The following PPP2R2B variants were observed in gnomAD, a reference collection of about 807,000 sequenced individuals.
The protein encoded by PPP2R2B is serine/threonine-protein phosphatase 2A 55 kDa regulatory subunit B beta isoform.
Under a neutral mutation model 46.0 loss-of-function variants are expected in PPP2R2B, and 5 were observed. The ratio of observed to expected loss-of-function variants is 0.11; its 90% CI spans 0.06 to 0.23. PPP2R2B has a LOEUF of 0.23. Ranked by LOEUF, PPP2R2B falls within the 10% of genes least tolerant of loss-of-function variation. The pLI is 1.00. For synonymous variants in PPP2R2B, 215 were observed against 206.7 expected (o/e 1.04, Z -0.34); for missense variants, 367 against 575.0 (o/e 0.64, Z 3.70).
chr5:146,701,002 A>T (rs568143776), intron 3 of PPP2R2B, 43 bp downstream of exon 3: 2 of 1,524,700 alleles, frequency 1.3e-6, no homozygotes, highest in African/African-American at 2.7e-5. Flanking sequence ...GGCCTCCTTT[A>T]AAAAGTGAAG....
chr5:146,593,878 T>A (rs564274065), intron 8 of PPP2R2B, among the ~76,000 whole-genome samples: 1 of 152,288 alleles, frequency 6.6e-6, no homozygotes, highest in Non-Finnish European at 1.5e-5. Flanking sequence ...TTGCAATGGA[T>A]CCTAAGGGTG....
chr5:146,607,026 T>C (rs1248479700), intron 7 of PPP2R2B: 1 of 152,178 alleles, frequency 6.6e-6, no homozygotes, highest in East Asian at 1.9e-4. Flanking sequence ...TTCTCCATAA[T>C]GGGGACACAA....
rs555527977 is a variant in PPP2R2B, at chr5:146,635,270, GT to G, written c.790+2980del. Among the ~76,000 whole-genome samples, 618 of 142,590 alleles carry G rather than the reference GT, an allele frequency of 4.3e-3. 1 individual carries two copies. The highest frequency in any genetic ancestry group is 0.011 in the African/African-American group (447 of 39,116). 93.5% of individuals were successfully genotyped at this position (142,590 alleles called of 152,430 possible). A position where few individuals can be genotyped will look rare whatever the true frequency, so the allele number is the denominator to read the frequency against. On this transcript the variant is annotated intron_variant, in intron 7 of 9. Transcript: ENST00000394411. ...AAAGCATCTGCTCTAAATCACTCTA[GT>G]TTTTTTTTTTTTTAACTTTTAAGTT...
intron 1 of PPP2R2B, among the ~76,000 whole-genome samples, chr5:147,021,280 C>T (rs575169843): frequency 5.9e-5 from 9 of 152,022 alleles, no homozygotes; most frequent in Non-Finnish European, 1.3e-4. Context: ...AAGGGGCACC[C>T]AAGGAAAACA....
intron 5 of PPP2R2B, among the ~76,000 whole-genome samples, chr5:146,661,607 A>G (rs464897): frequency 0.75 from 114,696 of 152,052 alleles, 44,802 homozygotes; most frequent in Non-Finnish European, 0.86. Context: ...AATTCAGTGC[A>G]TCAAAAATGG....
chr5:147,078,097 G>A lies in PPP2R2B; in HGVS notation c.50+2962C>T, dbSNP rs76280279. On this transcript the variant is annotated intron_variant, in intron 2 of 10. Transcript: ENST00000394413. Reference sequence around the variant, plus strand: ...GCAATGTACTTAATATTTTTTGTTTGTTTGCTTGACTTCAATATCCTCATA... The same window carrying A: ...GCAATGTACTTAATATTTTTTGTTTATTTGCTTGACTTCAATATCCTCATA... 8.2e-3 allele frequency among the ~76,000 whole-genome samples: 1,248 copies of A among 152,164 alleles called. 21 individuals carry two copies. The highest frequency in any genetic ancestry group is 0.029 in the African/African-American group (1,192 of 41,534).
intron 1 of PPP2R2B, among the ~76,000 whole-genome samples, chr5:146,901,052 T>C (rs1414704660): frequency 6.6e-6 from 1 of 152,226 alleles, no homozygotes; most frequent in Non-Finnish European, 1.5e-5. Flanking sequence ...TTTGGGTTCA[T>C]TCCATGTCTT....
chr5:146,585,945 G>A lies in PPP2R2B; in HGVS notation c.*4002C>T, dbSNP rs920823209. 7.2e-5 allele frequency: 11 copies of A among 152,164 alleles called. No individual in the cohort carries two copies. Among genetic ancestry groups the A allele is most frequent in the Non-Finnish European group, 1.0e-4 (7 of 68,032 alleles). 9.4% of individuals were successfully genotyped at this position (152,164 alleles called of 1,614,324 possible). A position where few individuals can be genotyped will look rare whatever the true frequency, so the allele number is the denominator to read the frequency against. The stretch of plus-strand genomic sequence containing the variant: ...ACCAGGAGCAGGACCCACGTTTCCT[G>A]TCTCCCAGTCTCATCCTTTTTCCAC... On this transcript the variant is annotated 3_prime_UTR_variant, in exon 10 of 10. Coordinates refer to ENST00000394411, the MANE Select transcript of PPP2R2B (RefSeq NM_181675.4).
chr5:146,646,196 A>G (rs1775568964), intron 6 of PPP2R2B, among the ~76,000 whole-genome samples: 1 of 152,180 alleles, frequency 6.6e-6, no homozygotes, highest in South Asian at 2.1e-4. Flanking sequence ...TAGGTGCTCA[A>G]TTTATCATCG....
At chr5:146,784,007 C>T (rs946515301) in intron 2 of PPP2R2B, among the ~76,000 whole-genome samples, 4 of 152,134 alleles carry the variant, frequency 2.6e-5, no homozygotes, top group African/African-American at 9.7e-5. Context: ...AAACTTGGCA[C>T]ACAAAGGAAG....
chr5:146,641,080 T>A (rs1355033752), intron 6 of PPP2R2B, among the ~76,000 whole-genome samples: 1 of 152,222 alleles, frequency 6.6e-6, no homozygotes. Context: ...GAGGAAGATA[T>A]GGCCAGTTGC....
At chr5:146,827,025 T>C (rs943698624) in intron 2 of PPP2R2B, among the ~76,000 whole-genome samples, 1 of 152,222 alleles carries the variant, frequency 6.6e-6, no homozygotes. Flanking sequence ...TTACATTTTA[T>C]TGAAACTGCT....
intron 7 of PPP2R2B, among the ~76,000 whole-genome samples, chr5:146,636,425 G>A (rs1007059289): frequency 6.6e-6 from 1 of 152,216 alleles, no homozygotes; most frequent in African/African-American, 2.4e-5. Flanking sequence ...AAATTCACAT[G>A]AATTTTTAGA....
chr5:146,891,893 A>G lies in PPP2R2B; in HGVS notation c.79+163772T>C, dbSNP rs1000772750. On this transcript the variant is annotated intron_variant, in intron 1 of 8. Transcript: ENST00000336640. The stretch of plus-strand genomic sequence containing the variant: ...TTGTTCTTAAAGTATTTGGAATTTT[A>G]AGACAGCAACAACAGAGCATTAAAC... 8.5e-5 allele frequency among the ~76,000 whole-genome samples: 13 copies of G among 152,186 alleles called. 1 individual carries two copies. The highest frequency in any genetic ancestry group is 6.6e-5 in the Admixed American group (1 of 15,264).
At chr5:146,987,162 C>G (rs773853874) in intron 1 of PPP2R2B, among the ~76,000 whole-genome samples, 1 of 152,062 alleles carries the variant, frequency 6.6e-6, no homozygotes, top group African/African-American at 2.4e-5. Flanking sequence ...GCAAAGCTAT[C>G]CTTAAAACAT....
chr5:146,774,154 C>T (rs1407251148), intron 2 of PPP2R2B, among the ~76,000 whole-genome samples: 1 of 152,044 alleles, frequency 6.6e-6, no homozygotes, highest in Non-Finnish European at 1.5e-5. Context: ...GACTTAACTG[C>T]TTTGTGTTTT....
At chr5:147,015,022 AT>A (rs1754933207) in intron 1 of PPP2R2B, among the ~76,000 whole-genome samples, 7 of 152,104 alleles carry the variant, frequency 4.6e-5, no homozygotes, top group Admixed American at 4.6e-4. Context: ...TGTTCCAAGG[AT>A]TTTGGATAAG....
intron 2 of PPP2R2B, among the ~76,000 whole-genome samples, chr5:146,775,139 T>C (rs1342414743): frequency 2.0e-5 from 3 of 152,162 alleles, no homozygotes; most frequent in African/African-American, 7.2e-5. Flanking sequence ...TCTTAATTAC[T>C]TTATGAGACC....
intron 5 of PPP2R2B, among the ~76,000 whole-genome samples, chr5:146,663,473 C>T (rs1026658131): frequency 2.8e-4 from 23 of 81,440 alleles, no homozygotes; most frequent in African/African-American, 4.9e-4. Context: ...TAAAAACATC[C>T]GTAAATAACA....
Sources: allele counts gnomAD v4.1 joint callset (sites outside exome capture counted in the v4.1 genomes callset), GRCh38; gene constraint gnomAD v4.1.1; transcripts MANE v1.5; gene names NCBI Gene and HGNC (gene_info 2026-07-23, HGNC 2026-07-21).